Variants in RAB40C observed in about 807,000 individuals in gnomAD.
RAB40C encodes the protein RAB40C, member RAS oncogene family.
Under a neutral mutation model 28.1 loss-of-function variants are expected in RAB40C, and 8 were observed. The observed-to-expected ratio is 0.28, with a 90% CI of 0.17 to 0.51. The LOEUF is 0.51. Among genes scored for constraint, RAB40C ranks in the 20% least tolerant of loss-of-function variants. The pLI is 0.97. For missense variants in RAB40C, 288 were observed against 405.9 expected, an observed-to-expected ratio of 0.71 and a Z score of 2.50; for synonymous variants, 201 against 171.7, an observed-to-expected ratio of 1.17 and a Z score of -1.34.
intron 1 of RAB40C, among the ~76,000 whole-genome samples, chr16:605,174 G>T (rs1326125409): frequency 6.6e-6 from 1 of 152,332 alleles, no homozygotes; most frequent in South Asian, 2.1e-4. Context: ...GCAGCGAGCC[G>T]TGATTGTTCC....
At position 610,131 on chromosome 16, in the gene RAB40C, G is replaced by A. The variant is rs1021542348; in HGVS notation, c.143-7077G>A. On this transcript the variant is annotated intron_variant, in intron 1 of 5. Coordinates refer to ENST00000248139, the MANE Select transcript of RAB40C (RefSeq NM_021168.5). The surrounding 1 kb of genome is among the most constrained non-coding windows in gnomAD (Gnocchi z 4.6). Reference sequence around the variant, plus strand: ...GGTCTCCTGTAGCTGGTGGGGAAGCGGCACCCTGTGCGGTAGACAGAACCA... The same window carrying A: ...GGTCTCCTGTAGCTGGTGGGGAAGCAGCACCCTGTGCGGTAGACAGAACCA... Among the ~76,000 whole-genome samples, 1 of 152,170 alleles carries A rather than the reference G, an allele frequency of 6.6e-6. No individual in the cohort carries two copies. Among genetic ancestry groups the A allele is most frequent in the Admixed American group, 6.5e-5 (1 of 15,276 alleles).
chr16:591,505 G>A (rs1368390114), intron 1 of RAB40C, among the ~76,000 whole-genome samples: 1 of 152,190 alleles, frequency 6.6e-6, no homozygotes, highest in East Asian at 1.9e-4. Flanking sequence ...TTTGCTTACT[G>A]CTGAGGGAGT....
rs752416579 is a variant in RAB40C at position 626,054 on chromosome 16, C to T, written c.498C>T (p.Ser166=). The change falls in exon 5 of 6, where the codon TCC becomes TCT. Residue 166 remains serine, a synonymous_variant. Transcript: ENST00000248139. ...SPLCNFNVIE[S]FTELSRIVLM... is the part of the protein sequence containing the mutation. ...TGTGCAACTTCAACGTCATCGAGTC[C>T]TTCACGGAGCTATCCCGCATCGTGC... 3.1e-6 allele frequency: 5 copies of T among 1,613,302 alleles called. No homozygotes were observed. The African/African-American group carries it at 4.0e-5, about 13-fold the overall frequency.
intron 1 of RAB40C, among the ~76,000 whole-genome samples, chr16:603,086 A>G (rs2036289201): frequency 6.6e-6 from 1 of 152,236 alleles, no homozygotes; most frequent in South Asian, 2.1e-4. Flanking sequence ...AGCTGGGGCC[A>G]GACCTGTGTT....
rs1243883695 is a variant in RAB40C, at chr16:627,535, G to T, written c.759G>T (p.Lys253Asn). 6.2e-7 allele frequency: 1 copy of T among 1,613,576 alleles called. No homozygotes were observed. The highest frequency in any genetic ancestry group is 1.7e-5 in the Admixed American group (1 of 60,010). ...GCGGGGCCGGGGGCGGCGGCAGCAA[G>T]GGCAACAGCCTCAAGAGGTCCAAGT... ...LASGAGGGGSKGNSLKRSKSI... is the reference protein window; with the variant it reads ...LASGAGGGGSNGNSLKRSKSI... Residue 253 changes from lysine to asparagine, a missense_variant, in exon 6 of 6, where the codon AAG becomes AAT. By Grantham distance (94) the Lys-to-Asn change is moderately conservative. Transcript: ENST00000248139.
At chr16:603,440 C>T (rs1203310103) in intron 1 of RAB40C, among the ~76,000 whole-genome samples, 9 of 150,012 alleles carry the variant, frequency 6.0e-5, no homozygotes, top group African/African-American at 9.7e-5. Flanking sequence ...GAATGCGGAG[C>T]GCCGGCCCCG....
In RAB40C at chr16:618,245, C is replaced by T. The variant is rs759205547; in HGVS notation, c.249C>T (p.Tyr83=). 2 of 1,613,540 alleles carry T rather than the reference C, an allele frequency of 1.2e-6. No individual in the cohort carries two copies. Among genetic ancestry groups the T allele is most frequent in the Non-Finnish European group, 8.5e-7 (1 of 1,179,842 alleles). Reference sequence around the variant, plus strand: ...GGTTCTGCACCATCTTCAGGTCCTACTCCAGGGGCGCTCAGGTAAGACCAG... The same window carrying T: ...GGTTCTGCACCATCTTCAGGTCCTATTCCAGGGGCGCTCAGGTAAGACCAG... ...QGRFCTIFRS[Y]SRGAQGILLV... is the part of the protein sequence containing the mutation. Residue 83 remains tyrosine (Y), a synonymous_variant, in exon 3 of 6, where the codon TAC becomes TAT. Transcript: ENST00000248139.
chr16:592,906 T>C (rs1006020891), intron 1 of RAB40C, among the ~76,000 whole-genome samples: 6 of 152,228 alleles, frequency 3.9e-5, no homozygotes, highest in African/African-American at 1.4e-4. Flanking sequence ...TCTGACATGC[T>C]CACTGAAGTG....
chr16:602,710 G>A (rs918239265), intron 1 of RAB40C, among the ~76,000 whole-genome samples: 1 of 152,178 alleles, frequency 6.6e-6, no homozygotes, highest in Non-Finnish European at 1.5e-5. Context: ...TGGGATTACA[G>A]GCGTGAGCCA....
chr16:608,706 C>T (rs935514460), intron 1 of RAB40C, among the ~76,000 whole-genome samples: 3 of 152,044 alleles, frequency 2.0e-5, no homozygotes, highest in Non-Finnish European at 2.9e-5. Context: ...CCCATCTCTA[C>T]AAAAAATGCA....
intron 1 of RAB40C, 49 bp from the exon 2 acceptor site, chr16:617,159 C>T (rs1479035435): frequency 1.2e-6 from 2 of 1,601,970 alleles, no homozygotes; most frequent in Non-Finnish European, 8.5e-7. Context: ...CTCGCGGGCG[C>T]TCGCTCCAGG....
At chr16:622,979 T>C (rs2036752761) in intron 3 of RAB40C, among the ~76,000 whole-genome samples, 1 of 152,048 alleles carries the variant, frequency 6.6e-6, no homozygotes, top group South Asian at 2.1e-4. Context: ...TCCGTGGTCA[T>C]TTGGGTCCCT....
intron 3 of RAB40C, among the ~76,000 whole-genome samples, chr16:620,667 G>C (rs2036693145): frequency 1.0e-5 from 1 of 96,146 alleles, no homozygotes; most frequent in Admixed American, 1.1e-4. Flanking sequence ...CCCCCGACGG[G>C]CTCCACCGCG....
At chr16:621,309 G>T (rs773588766) in intron 3 of RAB40C, among the ~76,000 whole-genome samples, 1 of 152,240 alleles carries the variant, frequency 6.6e-6, no homozygotes, top group Non-Finnish European at 1.5e-5. Flanking sequence ...CAGCCGAGGT[G>T]CAGAGCCCAG....
At chr16:618,381 A>C in intron 3 of RAB40C, 121 bp downstream of exon 3, 14 of 1,011,976 alleles carry the variant, frequency 1.4e-5, no homozygotes, top group South Asian at 1.8e-5. Flanking sequence ...GGATATTCTC[A>C]CATTGGTTTG....
chr16:591,563 A>C (rs960739783), intron 1 of RAB40C, among the ~76,000 whole-genome samples: 8 of 150,870 alleles, frequency 5.3e-5, no homozygotes, highest in South Asian at 2.1e-4. Context: ...GTTACTGAAC[A>C]TTTGTTTTGT....
At chr16:592,865 T>A (rs2036031697) in intron 1 of RAB40C, among the ~76,000 whole-genome samples, 1 of 152,218 alleles carries the variant, frequency 6.6e-6, no homozygotes, top group Non-Finnish European at 1.5e-5. Flanking sequence ...CCTGTCCCCT[T>A]CGTCGGGCTG....
At chr16:591,336 C>T (rs1260320492) in intron 1 of RAB40C, among the ~76,000 whole-genome samples, 1 of 151,420 alleles carries the variant, frequency 6.6e-6, no homozygotes, top group East Asian at 1.9e-4. Context: ...ATCTGGGGTC[C>T]GAGGGAAGGT....
At chr16:611,211 C>T (rs756544904) in intron 1 of RAB40C, among the ~76,000 whole-genome samples, 6 of 152,206 alleles carry the variant, frequency 3.9e-5, no homozygotes, top group Non-Finnish European at 7.3e-5. Flanking sequence ...AGGCTTTTCC[C>T]GGCATCCCCG....
Sources: gnomAD v4.1 joint callset for allele counts (sites outside exome capture counted in the v4.1 genomes callset) on GRCh38, gnomAD v4.1.1 for gene constraint, Gnocchi (gnomAD v3.1) non-coding constraint, MANE v1.5 for transcripts, NCBI Gene and HGNC (gene_info 2026-07-23, HGNC 2026-07-21) for gene names.